Variants in OTUD7A observed in about 807,000 individuals in gnomAD.
OTUD7A encodes the protein OTU domain-containing protein 7A.
OTUD7A carries 12 observed loss-of-function variants against 65.7 expected under a neutral mutation model. That is an observed-to-expected ratio of 0.18 (90% CI 0.12 to 0.30). The LOEUF (loss-of-function observed/expected upper bound fraction) is 0.30, where lower values mean the gene tolerates loss of function less well. Ranked by LOEUF, OTUD7A falls within the 10% of genes least tolerant of loss-of-function variation. The pLI, the probability that OTUD7A is intolerant of heterozygous loss-of-function variation, is 1.00. For synonymous variants in OTUD7A, 641 were observed against 586.3 expected (o/e 1.09, Z -1.35); for missense variants, 1,148 against 1,304.8 (o/e 0.88, Z 1.85).
chr15:31,506,820 T>C (rs2041577977), intron 8 of OTUD7A, among the ~76,000 whole-genome samples: 1 of 152,184 alleles, frequency 6.6e-6, no homozygotes, highest in African/African-American at 2.4e-5. Context: ...AGTGTTAAAT[T>C]TTAGGAAATA....
At chr15:31,864,072 T>A (rs1339892399) in intron 1 of OTUD7A, among the ~76,000 whole-genome samples, 2 of 152,192 alleles carry the variant, frequency 1.3e-5, no homozygotes, top group African/African-American at 4.8e-5. Context: ...AGAGTCACCT[T>A]TGCTCCAGTT....
At chr15:31,560,257 TC>T (rs1888647115) in intron 4 of OTUD7A, among the ~76,000 whole-genome samples, 1 of 152,214 alleles carries the variant, frequency 6.6e-6, no homozygotes, top group Non-Finnish European at 1.5e-5. Flanking sequence ...TACATGGCCC[TC>T]CCAGGACACA....
At chr15:31,802,487 C>T (rs1340991274) in intron 1 of OTUD7A, among the ~76,000 whole-genome samples, 1 of 152,062 alleles carries the variant, frequency 6.6e-6, no homozygotes, top group Non-Finnish European at 1.5e-5. Context: ...ACAGACACAC[C>T]AACGATCAAC....
At chr15:31,632,120 C>T (rs1209696250) in intron 3 of OTUD7A, among the ~76,000 whole-genome samples, 8 of 152,166 alleles carry the variant, frequency 5.3e-5, no homozygotes, top group African/African-American at 1.4e-4. Flanking sequence ...AGCTTTGTTC[C>T]GTTGCTGGTG....
chr15:31,779,557 T>C (rs768937351), intron 1 of OTUD7A, among the ~76,000 whole-genome samples: 4 of 152,154 alleles, frequency 2.6e-5, no homozygotes, highest in Non-Finnish European at 5.9e-5. Flanking sequence ...AAGAAGCAGG[T>C]AGAAGAAGAA....
chr15:31,839,918 A>G (rs1053430007), intron 1 of OTUD7A, among the ~76,000 whole-genome samples: 10 of 149,938 alleles, frequency 6.7e-5, no homozygotes, highest in African/African-American at 2.5e-4. Flanking sequence ...AATATAAATG[A>G]TATTTTGGAA....
At chr15:31,736,155 C>T (rs986466407) in intron 1 of OTUD7A, among the ~76,000 whole-genome samples, 3 of 152,010 alleles carry the variant, frequency 2.0e-5, no homozygotes, top group Non-Finnish European at 2.9e-5. Context: ...TACAACAAAC[C>T]CCCACAACAC....
rs2041129206 is a variant in OTUD7A, at chr15:31,482,073, C to G, written c.*1221G>C. On this transcript the variant is annotated 3_prime_UTR_variant, in exon 13 of 13. Coordinates refer to ENST00000307050, the MANE Select transcript of OTUD7A (RefSeq NM_001382637.1). ...CGGAGGTAATCTTGGAAGGAAGAGG[C>G]TGCATATTGCTGCTCAAAACAGGGT... 6.6e-6 allele frequency: 1 copy of G among 152,206 alleles called. No homozygotes were observed. The highest frequency in any genetic ancestry group is 2.1e-4 in the South Asian group (1 of 4,824). 9.4% of individuals were successfully genotyped at this position (152,206 alleles called of 1,614,324 possible). A position where few individuals can be genotyped will look rare whatever the true frequency, so the allele number is the denominator to read the frequency against.
At chr15:31,625,193 C>T (rs1355691140) in intron 3 of OTUD7A, among the ~76,000 whole-genome samples, 8 of 152,102 alleles carry the variant, frequency 5.3e-5, no homozygotes, top group Admixed American at 3.9e-4. Flanking sequence ...AGCAGCCCTG[C>T]GAGTGGGGAT....
At chr15:31,505,616 G>T (rs2041549016) in intron 8 of OTUD7A, among the ~76,000 whole-genome samples, 1 of 152,108 alleles carries the variant, frequency 6.6e-6, no homozygotes, top group Non-Finnish European at 1.5e-5. Flanking sequence ...TTCGAATAGG[G>T]TGGAGGAGAG....
At chr15:31,599,673 T>C (rs755816774) in intron 3 of OTUD7A, among the ~76,000 whole-genome samples, 8 of 152,140 alleles carry the variant, frequency 5.3e-5, no homozygotes, top group Non-Finnish European at 1.0e-4. Flanking sequence ...CTTCAGAAAG[T>C]GGGTAATAAC....
At chr15:31,643,552 A>T (rs1891579082) in intron 3 of OTUD7A, among the ~76,000 whole-genome samples, 1 of 152,220 alleles carries the variant, frequency 6.6e-6, no homozygotes, top group African/African-American at 2.4e-5. Context: ...TCTATAGAGT[A>T]CAGTTATAAT....
chr15:31,772,137 A>AG (rs59487628), intron 1 of OTUD7A, among the ~76,000 whole-genome samples: 102,538 of 148,588 alleles, frequency 0.69, 35,900 homozygotes, highest in South Asian at 0.8. Flanking sequence ...CTGTAGTCCC[A>AG]GCTACTTGGG....
chr15:31,846,066 C>T (rs1461660941), intron 1 of OTUD7A, among the ~76,000 whole-genome samples: 5 of 152,248 alleles, frequency 3.3e-5, no homozygotes, highest in African/African-American at 1.2e-4. Flanking sequence ...GACAGGCTCT[C>T]GGGCTTCAAG....
chr15:31,787,015 T>C (rs1198705680), intron 1 of OTUD7A, among the ~76,000 whole-genome samples: 1 of 152,156 alleles, frequency 6.6e-6, no homozygotes, highest in Non-Finnish European at 1.5e-5. Context: ...GTGGAGACAC[T>C]GAAAGGGGAC....
chr15:31,834,869 G>C (rs1018321845), intron 1 of OTUD7A, among the ~76,000 whole-genome samples: 4 of 152,232 alleles, frequency 2.6e-5, no homozygotes, highest in Admixed American at 6.5e-5. Context: ...GTGTGGATGA[G>C]TAAGAATCTT....
intron 10 of OTUD7A, among the ~76,000 whole-genome samples, chr15:31,496,828 C>T (rs1348145395): frequency 6.6e-6 from 1 of 152,192 alleles, no homozygotes; most frequent in Admixed American, 6.5e-5. Flanking sequence ...CTCCCAAGAT[C>T]CCTAGCAGAC....
At chr15:31,811,084 A>G (rs1432728275) in intron 1 of OTUD7A, among the ~76,000 whole-genome samples, 1 of 152,170 alleles carries the variant, frequency 6.6e-6, no homozygotes, top group Non-Finnish European at 1.5e-5. Flanking sequence ...AACATTATAC[A>G]CAGGTGAGGC....
chr15:31,532,933 CAA>C (rs35993038), intron 5 of OTUD7A, among the ~76,000 whole-genome samples: 2,154 of 56,404 alleles, frequency 0.038, 44 homozygotes, highest in African/African-American at 0.093. Flanking sequence ...GACTCCGTAT[CAA>C]AAAAAAAAAA....
Sources: gnomAD v4.1 joint callset for allele counts (sites outside exome capture counted in the v4.1 genomes callset) on GRCh38, gnomAD v4.1.1 for gene constraint, MANE v1.5 for transcripts, NCBI Gene and HGNC (gene_info 2026-07-23, HGNC 2026-07-21) for gene names.